Variants in SPAG16 observed in about 807,000 individuals in gnomAD.
The protein encoded by SPAG16 is sperm associated antigen 16, also known as sperm-associated antigen 16 protein.
SPAG16 carries 86 observed loss-of-function variants against 80.4 expected under a neutral mutation model. The observed-to-expected ratio is 1.07, with a 90% CI of 0.90 to 1.28. The LOEUF is 1.28. Ranked by LOEUF, SPAG16 falls within the 50% of genes most tolerant of loss-of-function variation. The probability of loss-of-function intolerance (pLI) is 0.00; values close to 1 mark genes in which losing one functional copy is unlikely to be tolerated. For synonymous variants in SPAG16, 294 were observed against 265.9 expected, an observed-to-expected ratio of 1.11 and a Z score of -1.03; for missense variants, 870 against 765.3, an observed-to-expected ratio of 1.14 and a Z score of -1.61.
chr2:214,064,409 A>C (rs530032121), intron 13 of SPAG16, among the ~76,000 whole-genome samples: 1 of 152,066 alleles, frequency 6.6e-6, no homozygotes, highest in East Asian at 1.9e-4. Context: ...CTAAAAATTA[A>C]CTCATTTAGG....
At chr2:214,251,676 C>T (rs1192849086) in intron 15 of SPAG16, among the ~76,000 whole-genome samples, 1 of 152,134 alleles carries the variant, frequency 6.6e-6, no homozygotes, top group Non-Finnish European at 1.5e-5. Flanking sequence ...AATGTCACTG[C>T]ATGGGGCTTC....
intron 15 of SPAG16, among the ~76,000 whole-genome samples, chr2:214,401,891 AATAG>A (rs1260490268): frequency 6.6e-6 from 1 of 152,004 alleles, no homozygotes; most frequent in Non-Finnish European, 1.5e-5. Context: ...TAATAAGAAA[AATAG>A]ATATTCTGAA....
rs1446086784 is a variant in SPAG16 at position 214,076,539 on chromosome 2, GTGTC to G, written c.1528-31653_1528-31650del. 3.2e-3 allele frequency among the ~76,000 whole-genome samples: 215 copies of G among 67,288 alleles called. 1 individual carries two copies. Among genetic ancestry groups the G allele is most frequent in the African/African-American group, 0.011 (197 of 18,372 alleles). 44.1% of individuals were successfully genotyped at this position (67,288 alleles called of 152,430 possible). A position where few individuals can be genotyped will look rare whatever the true frequency, so the allele number is the denominator to read the frequency against. On this transcript the variant is annotated intron_variant, in intron 13 of 15. Coordinates refer to ENST00000331683, the MANE Select transcript of SPAG16 (RefSeq NM_024532.5). ...TGTGTGTGTGTGTGTGTGTGTGTGT[GTGTC>G]TGTGTGTGTGTGTGTGTGTGTGTTT...
chr2:214,352,556 C>CTGTGTGTGTGTGTGTGTGTGTGTGTGTG (rs71409878), intron 15 of SPAG16, among the ~76,000 whole-genome samples: 1 of 96,074 alleles, frequency 1.0e-5, no homozygotes, highest in African/African-American at 6.4e-5. Context: ...GACTTTTTTT[C>CTGTGTGTGTGTGTGTGTGTGTGTGTGTG]TCTGTGTGTG....
intron 15 of SPAG16, among the ~76,000 whole-genome samples, chr2:214,380,711 A>G (rs1466696399): frequency 1.3e-5 from 2 of 152,378 alleles, no homozygotes; most frequent in East Asian, 3.9e-4. Context: ...TTTTCACGGC[A>G]GTTGTGAATT....
At chr2:214,031,814 G>A (rs1045357902) in intron 13 of SPAG16, among the ~76,000 whole-genome samples, 1 of 151,890 alleles carries the variant, frequency 6.6e-6, no homozygotes, top group Non-Finnish European at 1.5e-5. Flanking sequence ...TGCAGCAGGA[G>A]AGAGAGAGAA....
chr2:214,276,182 G>A (rs1692449489), intron 15 of SPAG16, among the ~76,000 whole-genome samples: 1 of 152,180 alleles, frequency 6.6e-6, no homozygotes, highest in Admixed American at 6.5e-5. Context: ...TTGAGCCAAT[G>A]TGTGTCTCTG....
chr2:213,637,825 C>T (rs999170187), intron 10 of SPAG16, among the ~76,000 whole-genome samples: 1 of 152,112 alleles, frequency 6.6e-6, no homozygotes, highest in Non-Finnish European at 1.5e-5. Context: ...TGGCTAATCT[C>T]GGCTCACGGC....
intron 15 of SPAG16, among the ~76,000 whole-genome samples, chr2:214,384,677 T>C (rs1245206572): frequency 2.7e-5 from 4 of 146,550 alleles, no homozygotes; most frequent in African/African-American, 9.7e-5. Flanking sequence ...CAGAACATGT[T>C]TTCCAGGCAG....
intron 10 of SPAG16, among the ~76,000 whole-genome samples, chr2:213,698,071 C>A (rs1013683917): frequency 2.6e-5 from 4 of 152,046 alleles, no homozygotes; most frequent in Non-Finnish European, 5.9e-5. Context: ...TTACTTCTAC[C>A]CTTTTCAACC....
At chr2:214,382,125 GTGA>G (rs1700483710) in intron 15 of SPAG16, among the ~76,000 whole-genome samples, 1 of 152,216 alleles carries the variant, frequency 6.6e-6, no homozygotes, top group African/African-American at 2.4e-5. Flanking sequence ...TCAATGCTGT[GTGA>G]TGAATAGAAA....
chr2:213,500,759 A>G (rs2074707393), intron 10 of SPAG16, among the ~76,000 whole-genome samples: 1 of 152,180 alleles, frequency 6.6e-6, no homozygotes, highest in Non-Finnish European at 1.5e-5. Context: ...TTGAGAGCGG[A>G]GATAAACTAG....
chr2:213,408,833 A>C (rs911551237), intron 9 of SPAG16, among the ~76,000 whole-genome samples: 10 of 152,224 alleles, frequency 6.6e-5, no homozygotes, highest in Non-Finnish European at 8.8e-5. Context: ...TACCAATTCT[A>C]AGTTAATTTG....
At chr2:213,519,604 G>C (rs1559214461) in intron 10 of SPAG16, among the ~76,000 whole-genome samples, 1 of 152,134 alleles carries the variant, frequency 6.6e-6, no homozygotes, top group African/African-American at 2.4e-5. Context: ...TCTGTCTTTT[G>C]TAAATTGCCA....
At chr2:213,928,551 C>G (rs1024382210) in intron 11 of SPAG16, among the ~76,000 whole-genome samples, 17 of 152,138 alleles carry the variant, frequency 1.1e-4, no homozygotes, top group African/African-American at 3.9e-4. Flanking sequence ...AGCCTATGAG[C>G]AAGAAAACAA....
At chr2:213,336,134 G>A (rs2064348219) in intron 5 of SPAG16, among the ~76,000 whole-genome samples, 1 of 152,210 alleles carries the variant, frequency 6.6e-6, no homozygotes, top group Admixed American at 6.5e-5. Context: ...GTGAGGGATT[G>A]TGCTACCCCT....
At chr2:213,336,063 C>T (rs79500785) in intron 5 of SPAG16, among the ~76,000 whole-genome samples, 3,645 of 152,172 alleles carry the variant, frequency 0.024, 64 homozygotes, top group African/African-American at 0.04. Flanking sequence ...AGAAGAGCAT[C>T]GAGGGCCCAC....
intron 15 of SPAG16, among the ~76,000 whole-genome samples, chr2:214,205,661 A>G (rs1559127900): frequency 6.6e-6 from 1 of 152,210 alleles, no homozygotes; most frequent in Non-Finnish European, 1.5e-5. Flanking sequence ...AACAAAAATA[A>G]TACATCAAAA....
At chr2:214,368,196 TTA>T (rs1387229618) in intron 15 of SPAG16, among the ~76,000 whole-genome samples, 2 of 152,102 alleles carry the variant, frequency 1.3e-5, no homozygotes, top group African/African-American at 2.4e-5. Context: ...ATCGCACTAG[TTA>T]TATGTTTCTT....
Sources: allele counts gnomAD v4.1 joint callset (sites outside exome capture counted in the v4.1 genomes callset), GRCh38; gene constraint gnomAD v4.1.1; transcripts MANE v1.5; gene names NCBI Gene and HGNC (gene_info 2026-07-23, HGNC 2026-07-21).